Variants in ADK observed in about 807,000 individuals in gnomAD.
The protein encoded by ADK is adenosine kinase.
Under a neutral mutation model 44.7 loss-of-function variants are expected in ADK, and 24 were observed. That is an observed-to-expected ratio of 0.54 (90% confidence interval 0.39 to 0.76). The LOEUF (loss-of-function observed/expected upper bound fraction) is 0.76. ADK is among the 30% of genes least tolerant of loss of function. ADK has a pLI of 0.00. For synonymous variants in ADK, 128 were observed against 142.6 expected (o/e 0.90, Z 0.73); for missense variants, 321 against 425.1 (o/e 0.76, Z 2.15).
chr10:74,161,669 C>T (rs1470476566), intron 1 of ADK, among the ~76,000 whole-genome samples: 1 of 151,456 alleles, frequency 6.6e-6, no homozygotes, highest in East Asian at 1.9e-4. Context: ...TGTGAGCAAC[C>T]ATTCCTGGCA....
chr10:74,441,454 G>C (rs563961691), intron 6 of ADK, among the ~76,000 whole-genome samples: 1 of 152,244 alleles, frequency 6.6e-6, no homozygotes, highest in East Asian at 1.9e-4. Flanking sequence ...AATGTTTATG[G>C]CAGCATTAAT....
At chr10:74,273,041 G>T (rs752490820) in intron 3 of ADK, among the ~76,000 whole-genome samples, 36 of 152,146 alleles carry the variant, frequency 2.4e-4, no homozygotes, top group Non-Finnish European at 5.0e-4. Flanking sequence ...GTTGAAACAG[G>T]AGTTGTGAAG....
At chr10:74,455,013 C>G (rs1845894378) in intron 6 of ADK, among the ~76,000 whole-genome samples, 1 of 152,182 alleles carries the variant, frequency 6.6e-6, no homozygotes, top group African/African-American at 2.4e-5. Context: ...CTTCCTGCTT[C>G]TGCCATTTTC....
chr10:74,623,720 C>CAT (rs149098919), intron 9 of ADK, among the ~76,000 whole-genome samples: 91 of 148,300 alleles, frequency 6.1e-4, no homozygotes, highest in South Asian at 1.1e-3. Flanking sequence ...GTATTCTAGG[C>CAT]ATATATATAT....
At chr10:74,248,270 G>A (rs1216661021) in intron 3 of ADK, among the ~76,000 whole-genome samples, 2 of 152,140 alleles carry the variant, frequency 1.3e-5, no homozygotes, top group African/African-American at 2.4e-5. Flanking sequence ...TTCTTATGAG[G>A]CATTAAAGCA....
chr10:74,466,162 A>T (rs1846351775), intron 6 of ADK, among the ~76,000 whole-genome samples: 1 of 152,098 alleles, frequency 6.6e-6, no homozygotes, highest in Non-Finnish European at 1.5e-5. Flanking sequence ...GATGTACCGG[A>T]GCATGTGTGT....
chr10:74,242,357 C>T (rs1564613707), intron 3 of ADK, among the ~76,000 whole-genome samples: 1 of 152,146 alleles, frequency 6.6e-6, no homozygotes, highest in Non-Finnish European at 1.5e-5. Context: ...AGGGAATGGG[C>T]TTATATCTTT....
intron 6 of ADK, among the ~76,000 whole-genome samples, chr10:74,467,811 A>G: frequency 6.6e-6 from 1 of 152,122 alleles, no homozygotes; most frequent in East Asian, 1.9e-4. Context: ...CACAATGAAT[A>G]TAAATGTTAT....
chr10:74,641,412 TGCC>T (rs1234039291), intron 9 of ADK: 2 of 152,210 alleles, frequency 1.3e-5, no homozygotes, highest in African/African-American at 4.8e-5. Flanking sequence ...AAGGGGCAGC[TGCC>T]ATGCTTTGCA....
intron 5 of ADK, among the ~76,000 whole-genome samples, chr10:74,397,983 G>A (rs975971979): frequency 2.0e-5 from 3 of 152,100 alleles, no homozygotes; most frequent in Admixed American, 2.0e-4. Context: ...ATTCCTCTTA[G>A]CGAATATGGT....
chr10:74,580,169 A>G (rs986993542), intron 7 of ADK, among the ~76,000 whole-genome samples: 2 of 152,172 alleles, frequency 1.3e-5, no homozygotes, highest in African/African-American at 2.4e-5. Flanking sequence ...TCTCACCTTG[A>G]ATTCCCACGT....
intron 9 of ADK, among the ~76,000 whole-genome samples, chr10:74,634,122 A>G (rs1276897402): frequency 1.3e-5 from 2 of 152,186 alleles, no homozygotes; most frequent in Non-Finnish European, 2.9e-5. Context: ...ATTCTAGCCA[A>G]GTTTACTTGT....
chr10:74,361,232 T>G (rs963783002), intron 4 of ADK, among the ~76,000 whole-genome samples: 7 of 152,204 alleles, frequency 4.6e-5, no homozygotes, highest in African/African-American at 1.7e-4. Context: ...GAGCATTTAG[T>G]TCATTTATAT....
chr10:74,541,084 G>A (rs144997278), intron 7 of ADK, among the ~76,000 whole-genome samples: 7,017 of 151,806 alleles, frequency 0.046, 562 homozygotes, highest in African/African-American at 0.16. Context: ...GCATCATCTC[G>A]GCTCACTGCA....
At chr10:74,359,423 A>G (rs1220317252) in intron 4 of ADK, among the ~76,000 whole-genome samples, 1 of 152,174 alleles carries the variant, frequency 6.6e-6, no homozygotes, top group Non-Finnish European at 1.5e-5. Flanking sequence ...AGATATTTTA[A>G]CAAGGCCGAG....
At chr10:74,472,038 T>C (rs2133299324) in intron 6 of ADK, among the ~76,000 whole-genome samples, 1 of 152,304 alleles carries the variant, frequency 6.6e-6, no homozygotes, top group African/African-American at 2.4e-5. Flanking sequence ...CTGCTCTGGA[T>C]ACAACTTCCA....
At chr10:74,282,922 G>A (rs1847002487) in intron 3 of ADK, among the ~76,000 whole-genome samples, 1 of 152,078 alleles carries the variant, frequency 6.6e-6, no homozygotes, top group Non-Finnish European at 1.5e-5. Context: ...AGAATCTATT[G>A]AAAAAATACC....
At position 74,527,936 on chromosome 10, in the gene ADK, A is replaced by G. The variant is rs150369955; in HGVS notation, c.726+2510A>G. On this transcript the variant is annotated intron_variant, in intron 7 of 10. Transcript: ENST00000539909. The stretch of plus-strand genomic sequence containing the variant: ...GTCATCTATAGGTTTCTTCGACTTC[A>G]TTGTGGCCTTTGGATGAGAAGGGCT... 70 of 783,010 alleles carry G rather than the reference A, an allele frequency of 8.9e-5. No individual in the cohort carries two copies. The East Asian group carries it at 1.7e-3, about 19-fold the overall frequency. 48.5% of individuals were successfully genotyped at this position (783,010 alleles called of 1,614,324 possible). A position where few individuals can be genotyped will look rare whatever the true frequency, so the allele number is the denominator to read the frequency against.
At chr10:74,645,415 T>C (rs1380455413) in intron 9 of ADK, among the ~76,000 whole-genome samples, 1 of 152,172 alleles carries the variant, frequency 6.6e-6, no homozygotes, top group African/African-American at 2.4e-5. Context: ...AGTGCAATAT[T>C]GAACAACATT....
Sources: gnomAD v4.1 joint callset for allele counts (sites outside exome capture counted in the v4.1 genomes callset) on GRCh38, gnomAD v4.1.1 for gene constraint, MANE v1.5 for transcripts, NCBI Gene and HGNC (gene_info 2026-07-23, HGNC 2026-07-21) for gene names.